UBXN11: variants seen among roughly 807,000 people sequenced by gnomAD.
UBXN11 encodes the protein UBX domain-containing protein 11.
A neutral mutation model predicts 62.8 loss-of-function variants in UBXN11; 47 were observed. That is an observed-to-expected ratio of 0.75 (90% CI 0.59 to 0.95). UBXN11 has a LOEUF of 0.95. UBXN11 is among the 40% of genes least tolerant of loss of function. The probability of loss-of-function intolerance (pLI) is 0.00; values close to 1 mark genes in which losing one functional copy is unlikely to be tolerated. For synonymous variants in UBXN11, 294 were observed against 267.0 expected (o/e 1.10, Z -0.99); for missense variants, 638 against 661.7 (o/e 0.96, Z 0.39).
At chr1:26,297,398 C>A in intron 6 of UBXN11, 29 bp downstream of exon 6, 1 of 1,511,408 alleles carries the variant, frequency 6.6e-7, no homozygotes. Context: ...TGACTGGGGG[C>A]GCAGGTCAGC....
chr1:26,318,076 G>A (rs771867417), exon 1 of UBXN11: 2 of 1,613,882 alleles, frequency 1.2e-6, no homozygotes, highest in South Asian at 2.2e-5. Flanking sequence ...GTACAGGTAA[G>A]AGCAACGCCT....
chr1:26,294,829 C>T (rs2073355786), intron 7 of UBXN11, among the ~76,000 whole-genome samples: 1 of 152,206 alleles, frequency 6.6e-6, no homozygotes, highest in East Asian at 1.9e-4. Context: ...CTGGCTCCAT[C>T]GCCATACCTC....
chr1:26,294,119 GAT>G (rs2073338997), intron 8 of UBXN11, 84 bp downstream of exon 8: 2 of 1,561,650 alleles, frequency 1.3e-6, no homozygotes, highest in African/African-American at 1.4e-5. Context: ...GCACGAATGA[GAT>G]AGGCCTCTGG....
Position 26,297,451 on chromosome 1 carries a change from C to T in UBXN11, c.331G>A (p.Val111Met). 6.4e-7 allele frequency: 1 copy of T among 1,555,880 alleles called. No individual in the cohort carries two copies. The highest frequency in any genetic ancestry group is 8.7e-7 in the Non-Finnish European group (1 of 1,149,422). The change falls in exon 6 of 15, where the codon GTG becomes ATG. Residue 111 changes from valine (V) to methionine (M), a missense_variant. Physicochemically the swap from Val to Met is conservative, Grantham distance 21. Coordinates refer to ENST00000374222, the MANE Select transcript of UBXN11 (RefSeq NM_001389556.1). ...CCTGGGTGTGGCCGGAGGGTCTGCA[C>T]CAGGTCCTCTAGGGCCGCTATCTTC... ...DQKIAALEDL[V>M]QTLRPHPAEA... is the part of the protein sequence containing the mutation.
At position 26,302,765 on chromosome 1, in the gene UBXN11, G is replaced by A. The variant is rs1028239535; in HGVS notation, c.71+48C>T. On this transcript the variant is annotated intron_variant, in intron 2 of 14. Transcript: ENST00000374222. ...GTCCTCTGGCCATGGAAGGATAGAA[G>A]AGGATACAGAGGCGGGGACAGAAAG... 4 of 1,589,578 alleles carry A rather than the reference G, an allele frequency of 2.5e-6. No individual in the cohort carries two copies. The Admixed American group carries it at 5.1e-5, about 20-fold the overall frequency.
chr1:26,314,736 C>T (rs916958111), intron 1 of UBXN11, among the ~76,000 whole-genome samples: 1 of 152,182 alleles, frequency 6.6e-6, no homozygotes, highest in African/African-American at 2.4e-5. Flanking sequence ...AAGGGACAGA[C>T]CATATTCTTG....
At chr1:26,295,930 C>T (rs987275022) in intron 7 of UBXN11, among the ~76,000 whole-genome samples, 4 of 152,242 alleles carry the variant, frequency 2.6e-5, no homozygotes, top group South Asian at 2.1e-4. Flanking sequence ...GCAGTCATGC[C>T]CCTGCCCCGA....
At position 26,282,358 on chromosome 1, in the gene UBXN11, T is replaced by TGGGGCCGGGACCGGGACC; in HGVS notation, c.1486_1503dup (p.Gly496_Pro501dup). 1 of 207,478 alleles carries TGGGGCCGGGACCGGGACC rather than the reference T, an allele frequency of 4.8e-6. No homozygotes were observed. The highest frequency in any genetic ancestry group is 4.7e-5 in the East Asian group (1 of 21,238). The allele number at this position is 207,478 out of a possible 1,614,324, so 12.9% of individuals were successfully genotyped here. A position where few individuals can be genotyped will look rare whatever the true frequency, so the allele number is the denominator to read the frequency against. The stretch of plus-strand genomic sequence containing the variant: ...CTGGGGCCGGGACCGGGACCGGGAC[T>TGGGGCCGGGACCGGGACC]GGGGCCGGGACCGGGACCGGGACTG... On this transcript the variant is annotated inframe_insertion, in exon 15 of 15. Transcript: ENST00000374222.
At chr1:26,307,890 G>T (rs370188785), upstream of UBXN11, among the ~76,000 whole-genome samples, 1 of 152,030 alleles carries the variant, frequency 6.6e-6, no homozygotes, top group Non-Finnish European at 1.5e-5. Context: ...GCCTCCCAAA[G>T]TGGACAGCAT....
chr1:26,304,373 G>A (rs2073611885), intron 1 of UBXN11, among the ~76,000 whole-genome samples: 1 of 152,198 alleles, frequency 6.6e-6, no homozygotes, highest in Admixed American at 6.5e-5. Context: ...GTTCCCATGT[G>A]CTACCAGAGA....
intron 12 of UBXN11, among the ~76,000 whole-genome samples, chr1:26,283,264 A>G (rs2073046479): frequency 6.6e-6 from 1 of 152,126 alleles, no homozygotes; most frequent in African/African-American, 2.4e-5. Flanking sequence ...GCTGTGACTG[A>G]AGGATGAATG....
At chr1:26,285,767 A>G (rs2073116872) in intron 9 of UBXN11, 56 bp downstream of exon 9, 3 of 1,540,454 alleles carry the variant, frequency 1.9e-6, no homozygotes, top group South Asian at 2.5e-5. Flanking sequence ...ATCATCCCCA[A>G]CTAACAGTGG....
intron 4 of UBXN11, among the ~76,000 whole-genome samples, chr1:26,300,044 A>G (rs2073491486): frequency 6.6e-6 from 1 of 152,128 alleles, no homozygotes; most frequent in Non-Finnish European, 1.5e-5. Context: ...GGTATAGGAG[A>G]TCTTGGCTTT....
At chr1:26,308,881 T>C (rs955193496), upstream of UBXN11, among the ~76,000 whole-genome samples, 1 of 151,592 alleles carries the variant, frequency 6.6e-6, no homozygotes, top group Non-Finnish European at 1.5e-5. Flanking sequence ...TCAGTAAACA[T>C]CTATTTCCTG....
chr1:26,291,787 C>T (rs529241699), intron 8 of UBXN11, among the ~76,000 whole-genome samples: 135 of 152,340 alleles, frequency 8.9e-4, no homozygotes, highest in East Asian at 3.7e-3. Flanking sequence ...ACTCTCCCCA[C>T]GACACCCACC....
chr1:26,283,748 T>G (rs1275230020), intron 12 of UBXN11, among the ~76,000 whole-genome samples: 1 of 152,108 alleles, frequency 6.6e-6, no homozygotes, highest in Non-Finnish European at 1.5e-5. Context: ...TTTGGTGCCT[T>G]TCACAGGTGG....
chr1:26,317,884 C>T lies in UBXN11; in HGVS notation c.-149+163G>A, dbSNP rs17551689. 4.3e-3 allele frequency: 3,179 copies of T among 739,762 alleles called. 49 individuals are homozygous for T. The highest frequency in any genetic ancestry group is 0.012 in the East Asian group (478 of 39,938). 45.8% of individuals were successfully genotyped at this position (739,762 alleles called of 1,614,324 possible). Reference sequence around the variant, plus strand: ...ACACCCCTCCTCCACCTTGTAAGCCCTCCTTCCTCTCCCTACCTCACCCCG... The same window carrying T: ...ACACCCCTCCTCCACCTTGTAAGCCTTCCTTCCTCTCCCTACCTCACCCCG... On this transcript the variant is annotated intron_variant, in intron 1 of 14. Coordinates refer to the UBXN11 transcript ENST00000374217.
At chr1:26,298,339 G>A (rs1375502229) in intron 4 of UBXN11, among the ~76,000 whole-genome samples, 1 of 152,216 alleles carries the variant, frequency 6.6e-6, no homozygotes, top group African/African-American at 2.4e-5. Flanking sequence ...ACATATGGGT[G>A]ACATCACCCT....
At chr1:26,318,231 C>T in exon 1 of UBXN11, 1 of 642,012 alleles carries the variant, frequency 1.6e-6, no homozygotes, top group Non-Finnish European at 2.8e-6. Context: ...GGCCTGGCCG[C>T]CCAGCCTTCC....
Sources: gnomAD v4.1 joint callset for allele counts (sites outside exome capture counted in the v4.1 genomes callset) on GRCh38, gnomAD v4.1.1 for gene constraint, MANE v1.5 for transcripts, NCBI Gene and HGNC (gene_info 2026-07-23, HGNC 2026-07-21) for gene names.